Variants in SND1 observed in about 807,000 individuals in gnomAD.
SND1 encodes the protein staphylococcal nuclease domain-containing protein 1.
SND1 carries 38 observed loss-of-function variants against 121.7 expected under a neutral mutation model. That is an observed-to-expected ratio of 0.31 (90% CI 0.24 to 0.41). SND1 has a LOEUF of 0.41. Ranked by LOEUF, SND1 falls within the 10% of genes least tolerant of loss-of-function variation. The pLI is 1.00. For missense variants in SND1, 868 were observed against 1,184.6 expected (o/e 0.73, Z 3.92); for synonymous variants, 401 against 447.4 (o/e 0.90, Z 1.31).
chr7:127,854,510 T>C (rs1292795433), intron 12 of SND1, among the ~76,000 whole-genome samples: 1 of 152,010 alleles, frequency 6.6e-6, no homozygotes, highest in African/African-American at 2.4e-5. Context: ...AAGTTCTCAG[T>C]AGATCTTGCT....
At chr7:127,830,338 G>T (rs1196102129) in intron 11 of SND1, among the ~76,000 whole-genome samples, 1 of 152,194 alleles carries the variant, frequency 6.6e-6, no homozygotes, top group African/African-American at 2.4e-5. Context: ...AGCCGAGATT[G>T]TGCCAAGAAG....
intron 16 of SND1, among the ~76,000 whole-genome samples, chr7:128,003,338 G>C (rs116204412): frequency 4.6e-5 from 7 of 152,182 alleles, no homozygotes; most frequent in Non-Finnish European, 8.8e-5. Context: ...CTCTTGAACC[G>C]AGAATGAAAG....
intron 1 of SND1, among the ~76,000 whole-genome samples, chr7:127,655,679 C>T (rs1208087605): frequency 4.6e-5 from 7 of 152,160 alleles, no homozygotes; most frequent in Non-Finnish European, 1.5e-5. Context: ...GCTTGATACT[C>T]TTTAACTGCA....
chr7:127,986,049 A>G (rs2116909144), intron 15 of SND1, among the ~76,000 whole-genome samples: 1 of 152,312 alleles, frequency 6.6e-6, no homozygotes, highest in South Asian at 2.1e-4. Context: ...CACTTCCCTT[A>G]GCTCCCACTG....
intron 12 of SND1, among the ~76,000 whole-genome samples, chr7:127,885,721 A>G (rs1799892794): frequency 6.6e-6 from 1 of 152,090 alleles, no homozygotes; most frequent in Non-Finnish European, 1.5e-5. Context: ...TATATATCAA[A>G]GCTTGTTTGT....
At chr7:127,674,668 C>G (rs1345745277) in intron 1 of SND1, among the ~76,000 whole-genome samples, 1 of 152,184 alleles carries the variant, frequency 6.6e-6, no homozygotes, top group East Asian at 1.9e-4. Flanking sequence ...TAAGGACTGC[C>G]TAGCATCATA....
intron 4 of SND1, 57 bp from the exon 5 acceptor site, chr7:127,701,106 C>T: frequency 3.2e-6 from 5 of 1,577,322 alleles, no homozygotes; most frequent in Non-Finnish European, 4.3e-6. Flanking sequence ...TATCAGAGAG[C>T]CTCGTATTTC....
chr7:127,695,712 G>C (rs1205801124), intron 3 of SND1, among the ~76,000 whole-genome samples: 1 of 152,180 alleles, frequency 6.6e-6, no homozygotes, highest in Non-Finnish European at 1.5e-5. Context: ...TGTAGTCGTA[G>C]CTACTCGGGA....
At chr7:128,046,856 C>T (rs547283917) in intron 16 of SND1, among the ~76,000 whole-genome samples, 1 of 152,174 alleles carries the variant, frequency 6.6e-6, no homozygotes, top group East Asian at 1.9e-4. Flanking sequence ...TATTCATCAC[C>T]AATAGAAATA....
chr7:128,010,148 C>T (rs991174795), intron 16 of SND1, among the ~76,000 whole-genome samples: 2 of 152,208 alleles, frequency 1.3e-5, no homozygotes, highest in African/African-American at 4.8e-5. Context: ...AGTCTTTGGT[C>T]CTTTTGGCAC....
chr7:128,020,701 C>T (rs891272644), intron 16 of SND1, among the ~76,000 whole-genome samples: 2 of 152,080 alleles, frequency 1.3e-5, no homozygotes, highest in Non-Finnish European at 2.9e-5. Context: ...CACCACTAGT[C>T]GGAGTGGATG....
At chr7:127,903,429 G>A (rs1481936458) in intron 13 of SND1, among the ~76,000 whole-genome samples, 2 of 152,162 alleles carry the variant, frequency 1.3e-5, no homozygotes, top group Non-Finnish European at 2.9e-5. Flanking sequence ...TCAGATAAGA[G>A]TGAGAGAGAG....
At chr7:128,054,624 C>T (rs1300988890) in intron 16 of SND1, among the ~76,000 whole-genome samples, 1 of 152,188 alleles carries the variant, frequency 6.6e-6, no homozygotes, top group African/African-American at 2.4e-5. Flanking sequence ...CTTTTAAATT[C>T]CTCCTCCTCA....
chr7:127,743,219 C>T (rs1358800395), intron 10 of SND1, among the ~76,000 whole-genome samples: 1 of 152,144 alleles, frequency 6.6e-6, no homozygotes, highest in Non-Finnish European at 1.5e-5. Flanking sequence ...TGTCCAAATC[C>T]CACAAACCTG....
intron 16 of SND1, chr7:128,032,249 C>G (rs1792643268): frequency 6.7e-6 from 1 of 149,596 alleles, no homozygotes; most frequent in Non-Finnish European, 1.5e-5. Context: ...CGCGCAGCCC[C>G]GCGCCTCCGG....
At chr7:127,945,618 A>G (rs192928205) in intron 15 of SND1, among the ~76,000 whole-genome samples, 11 of 152,188 alleles carry the variant, frequency 7.2e-5, no homozygotes, top group South Asian at 2.1e-4. Context: ...GGAGAACTGG[A>G]TTAATTCCTA....
intron 7 of SND1, 124 bp from the exon 8 acceptor site, chr7:127,704,711 TAAAC>T (rs138011369): frequency 1.9e-4 from 149 of 775,168 alleles, no homozygotes; most frequent in Middle Eastern, 2.3e-4. Flanking sequence ...TACTCTACTG[TAAAC>T]AAACAAACAA....
chr7:128,063,035 A>G (rs1793256109), intron 16 of SND1, among the ~76,000 whole-genome samples: 1 of 152,150 alleles, frequency 6.6e-6, no homozygotes, highest in African/African-American at 2.4e-5. Flanking sequence ...CACGCTAGAC[A>G]GTGGTCTGGG....
Position 128,029,989 on chromosome 7 carries a change from C to T in SND1, c.1779+38933C>T. On this transcript the variant is annotated intron_variant, in intron 16 of 23. Transcript: ENST00000354725. The surrounding 1 kb of genome is among the most constrained non-coding windows in gnomAD (Gnocchi z 4.2). Reference sequence around the variant, plus strand: ...GACATCTCCAGCTCCTCCAGCCCCACCAGGGGGGTGAGATTGGGCATGTCT... The same window carrying T: ...GACATCTCCAGCTCCTCCAGCCCCATCAGGGGGGTGAGATTGGGCATGTCT... 1 of 1,613,144 alleles carries T rather than the reference C, an allele frequency of 6.2e-7. No homozygotes were observed. The highest frequency in any genetic ancestry group is 8.5e-7 in the Non-Finnish European group (1 of 1,180,030).
Sources: gnomAD v4.1 joint callset for allele counts (sites outside exome capture counted in the v4.1 genomes callset) on GRCh38, gnomAD v4.1.1 for gene constraint, Gnocchi (gnomAD v3.1) non-coding constraint, MANE v1.5 for transcripts, NCBI Gene and HGNC (gene_info 2026-07-23, HGNC 2026-07-21) for gene names.